Variants in DPP10 observed in about 807,000 individuals in gnomAD.
DPP10 encodes the protein dipeptidyl peptidase like 10, also known as inactive dipeptidyl peptidase 10.
In DPP10, 33 loss-of-function variants were observed where a neutral mutation model predicts 120.9. That is an observed-to-expected ratio of 0.27 (90% confidence interval 0.21 to 0.37). The LOEUF is 0.37. Ranked by LOEUF, DPP10 falls within the 10% of genes least tolerant of loss-of-function variation. The pLI, the probability that DPP10 is intolerant of heterozygous loss-of-function variation, is 1.00. For missense variants in DPP10, 816 were observed against 942.8 expected (o/e 0.87, Z 1.76); for synonymous variants, 337 against 326.1 (o/e 1.03, Z -0.36).
intron 1 of DPP10, among the ~76,000 whole-genome samples, chr2:115,180,511 T>A (rs2105137452): frequency 6.6e-6 from 1 of 152,248 alleles, no homozygotes; most frequent in Admixed American, 6.5e-5. Flanking sequence ...AACCTGAAAA[T>A]CCTGTCAGAT....
At chr2:115,185,067 TTAGAA>T (rs1290119986) in intron 1 of DPP10, among the ~76,000 whole-genome samples, 9 of 152,158 alleles carry the variant, frequency 5.9e-5, no homozygotes, top group Non-Finnish European at 1.0e-4. Flanking sequence ...AAAATTAGTT[TTAGAA>T]TTAGATTAGT....
intron 3 of DPP10, among the ~76,000 whole-genome samples, chr2:115,497,809 T>C (rs2148778838): frequency 6.6e-6 from 1 of 152,150 alleles, no homozygotes; most frequent in Middle Eastern, 3.4e-3. Context: ...TTGGTGTTGC[T>C]GTTGAGACAT....
intron 1 of DPP10, among the ~76,000 whole-genome samples, chr2:115,182,953 C>T (rs1370843850): frequency 6.6e-6 from 1 of 152,042 alleles, no homozygotes; most frequent in Non-Finnish European, 1.5e-5. Flanking sequence ...TGGCATACAC[C>T]CACCCCATGG....
chr2:115,010,059 G>A (rs200491002), intron 1 of DPP10, among the ~76,000 whole-genome samples: 3 of 151,978 alleles, frequency 2.0e-5, no homozygotes, highest in East Asian at 1.9e-4. Context: ...TGTAATTTAC[G>A]ATTTTTACAA....
chr2:115,542,489 G>C (rs1223380061), intron 5 of DPP10, among the ~76,000 whole-genome samples: 1 of 151,954 alleles, frequency 6.6e-6, no homozygotes, highest in Non-Finnish European at 1.5e-5. Flanking sequence ...AAAGGGTGCA[G>C]TTTTCAATGC....
At chr2:114,984,657 A>G (rs963759169) in intron 1 of DPP10, among the ~76,000 whole-genome samples, 1 of 152,222 alleles carries the variant, frequency 6.6e-6, no homozygotes, top group African/African-American at 2.4e-5. Flanking sequence ...GGATTTAAAT[A>G]GGAAAATGAC....
intron 1 of DPP10, among the ~76,000 whole-genome samples, chr2:114,544,907 A>G (rs565959720): frequency 1.3e-5 from 2 of 152,008 alleles, no homozygotes; most frequent in South Asian, 2.1e-4. Context: ...ACTGCAGTGC[A>G]GTGGCGAGAT....
intron 1 of DPP10, among the ~76,000 whole-genome samples, chr2:114,847,136 A>G (rs1278817783): frequency 2.0e-5 from 3 of 152,130 alleles, no homozygotes; most frequent in African/African-American, 7.2e-5. Context: ...AGCCAACCTA[A>G]TAGCTGGGAT....
At chr2:115,547,111 A>C (rs982790013) in intron 5 of DPP10, among the ~76,000 whole-genome samples, 1 of 152,086 alleles carries the variant, frequency 6.6e-6, no homozygotes, top group Non-Finnish European at 1.5e-5. Context: ...GTCACCTAGT[A>C]TCCATTTCCA....
At chr2:114,688,752 C>A (rs532313971) in intron 1 of DPP10, among the ~76,000 whole-genome samples, 9 of 151,976 alleles carry the variant, frequency 5.9e-5, no homozygotes, top group African/African-American at 2.2e-4. Context: ...GTGTTATGGA[C>A]TAGAATAGAG....
At chr2:115,052,537 A>C (rs1705577631) in intron 1 of DPP10, among the ~76,000 whole-genome samples, 1 of 152,242 alleles carries the variant, frequency 6.6e-6, no homozygotes, top group African/African-American at 2.4e-5. Flanking sequence ...CGTTTCTCCA[A>C]AGAGGATATA....
At chr2:115,104,379 A>G (rs1037195861) in intron 1 of DPP10, among the ~76,000 whole-genome samples, 8 of 152,158 alleles carry the variant, frequency 5.3e-5, no homozygotes, top group African/African-American at 1.4e-4. Context: ...AATGTTTCAC[A>G]TGACCATAGA....
At chr2:115,142,498 G>A (rs1420434545) in intron 1 of DPP10, among the ~76,000 whole-genome samples, 3 of 152,154 alleles carry the variant, frequency 2.0e-5, no homozygotes, top group African/African-American at 7.2e-5. Flanking sequence ...AATAGAGGCA[G>A]ACCAAGTTTA....
chr2:115,412,795 G>A (rs1380174231), intron 3 of DPP10, among the ~76,000 whole-genome samples: 1 of 152,106 alleles, frequency 6.6e-6, no homozygotes, highest in Non-Finnish European at 1.5e-5. Flanking sequence ...CTTACTGAGA[G>A]GGAAGATGAA....
At chr2:114,865,898 A>G (rs1690185836) in intron 1 of DPP10, among the ~76,000 whole-genome samples, 1 of 152,046 alleles carries the variant, frequency 6.6e-6, no homozygotes, top group African/African-American at 2.4e-5. Flanking sequence ...GGATCACCTG[A>G]GGTAGGGAGT....
intron 3 of DPP10, among the ~76,000 whole-genome samples, chr2:115,483,749 G>C (rs1372011941): frequency 6.6e-6 from 1 of 152,040 alleles, no homozygotes; most frequent in African/African-American, 2.4e-5. Context: ...AGACTTACTT[G>C]TAAATTCCGA....
intron 1 of DPP10, among the ~76,000 whole-genome samples, chr2:114,793,854 G>C (rs565170828): frequency 6.6e-6 from 1 of 152,222 alleles, no homozygotes; most frequent in African/African-American, 2.4e-5. Flanking sequence ...AATGTTGCAT[G>C]AATTGTTTTG....
intron 1 of DPP10, among the ~76,000 whole-genome samples, chr2:115,243,637 T>C (rs2105591894): frequency 6.6e-6 from 1 of 152,192 alleles, no homozygotes; most frequent in South Asian, 2.1e-4. Flanking sequence ...CAGAAAACAA[T>C]TTATATAAAT....
intron 5 of DPP10, among the ~76,000 whole-genome samples, chr2:115,603,148 G>A (rs13396685): frequency 0.19 from 28,096 of 149,800 alleles, 3,074 homozygotes; most frequent in African/African-American, 0.29. Flanking sequence ...GTGTGTGTGT[G>A]TGTGTGTGTG....
Sources: gnomAD v4.1 joint callset for allele counts (sites outside exome capture counted in the v4.1 genomes callset) on GRCh38, gnomAD v4.1.1 for gene constraint, MANE v1.5 for transcripts, NCBI Gene and HGNC (gene_info 2026-07-23, HGNC 2026-07-21) for gene names.